The following SLC25A26 variants were observed in gnomAD, a reference collection of about 807,000 sequenced individuals.
SLC25A26 encodes the protein mitochondrial S-adenosylmethionine carrier protein.
In SLC25A26, 36 loss-of-function variants were observed where a neutral mutation model predicts 37.8. The observed-to-expected ratio is 0.95, with a 90% CI of 0.73 to 1.26. The LOEUF is 1.26. SLC25A26 is among the 50% of genes most tolerant of loss of function. SLC25A26 has a pLI of 0.00. For missense variants in SLC25A26, 390 were observed against 331.1 expected (o/e 1.18, Z -1.38); for synonymous variants, 129 against 122.5 (o/e 1.05, Z -0.35).
At chr3:66,223,881 A>C (rs556767730) in intron 1 of SLC25A26, among the ~76,000 whole-genome samples, 1 of 152,210 alleles carries the variant, frequency 6.6e-6, no homozygotes, top group Non-Finnish European at 1.5e-5. Flanking sequence ...TAGGAAAGCA[A>C]CTGGAACTAT....
intron 5 of SLC25A26, among the ~76,000 whole-genome samples, chr3:66,275,417 A>T (rs917666205): frequency 6.6e-6 from 1 of 151,826 alleles, no homozygotes; most frequent in Non-Finnish European, 1.5e-5. Flanking sequence ...AAAAAAAAAA[A>T]TTAATTACTG....
chr3:66,215,093 C>A (rs899618208), intron 1 of SLC25A26, among the ~76,000 whole-genome samples: 1 of 152,136 alleles, frequency 6.6e-6, no homozygotes, highest in African/African-American at 2.4e-5. Flanking sequence ...CCACTACATT[C>A]CCGCCTGGGT....
At chr3:66,231,516 A>G (rs1200298912) in intron 1 of SLC25A26, among the ~76,000 whole-genome samples, 1 of 152,146 alleles carries the variant, frequency 6.6e-6, no homozygotes, top group African/African-American at 2.4e-5. Flanking sequence ...AAATTATTTA[A>G]AAATTAATTG....
chr3:66,270,350 T>G (rs1161621441), intron 5 of SLC25A26, among the ~76,000 whole-genome samples: 4 of 152,202 alleles, frequency 2.6e-5, no homozygotes, highest in African/African-American at 7.2e-5. Context: ...TGAAATTGTT[T>G]TTCAGTTAAA....
rs2071256377 is a variant in SLC25A26 at position 66,209,898 on chromosome 3, T to TATATATTTATACATA, written c.-353-10844_-353-10843insATATATTTATACATA. ...TATACTCCTCTCTCTCTCTCTCTATTTATATATATATATATATATATATAT... is the reference window on the plus strand; with the variant it reads ...TATACTCCTCTCTCTCTCTCTCTATTATATATTTATACATATATATATATATATATATATATATAT... On this transcript the variant is annotated intron_variant, in intron 1 of 10. Coordinates refer to the SLC25A26 transcript ENST00000676754. 9.3e-4 allele frequency among the ~76,000 whole-genome samples: 36 copies of TATATATTTATACATA among 38,616 alleles called. 2 individuals carry two copies. The highest frequency in any genetic ancestry group is 3.2e-3 in the African/African-American group (36 of 11,376). 25.3% of individuals were successfully genotyped at this position (38,616 alleles called of 152,430 possible).
At chr3:66,324,459 C>T (rs2075783402) in intron 5 of SLC25A26, among the ~76,000 whole-genome samples, 1 of 152,016 alleles carries the variant, frequency 6.6e-6, no homozygotes, top group Non-Finnish European at 1.5e-5. Context: ...TAATGTTATC[C>T]ATGGGAGCAA....
At chr3:66,323,160 G>A (rs2075742076) in intron 5 of SLC25A26, among the ~76,000 whole-genome samples, 1 of 152,146 alleles carries the variant, frequency 6.6e-6, no homozygotes, top group South Asian at 2.1e-4. Flanking sequence ...GTGTGTAAAT[G>A]CGGTCTTTCC....
chr3:66,229,230 C>T (rs2071895677), intron 1 of SLC25A26, among the ~76,000 whole-genome samples: 1 of 152,106 alleles, frequency 6.6e-6, no homozygotes, highest in African/African-American at 2.4e-5. Flanking sequence ...GTTTAGTTCT[C>T]ATTTATTTTA....
At chr3:66,321,691 T>A (rs1218855461) in intron 5 of SLC25A26, among the ~76,000 whole-genome samples, 3 of 151,978 alleles carry the variant, frequency 2.0e-5, no homozygotes, top group African/African-American at 7.3e-5. Context: ...GAGTTAACAT[T>A]TTTCAAAAGT....
chr3:66,239,290 A>G (rs1321099439), intron 2 of SLC25A26, among the ~76,000 whole-genome samples: 1 of 150,488 alleles, frequency 6.6e-6, no homozygotes, highest in Non-Finnish European at 1.5e-5. Flanking sequence ...CACATCCACA[A>G]TCTCTTTTAT....
At chr3:66,286,987 A>T (rs1576798145) in intron 5 of SLC25A26, among the ~76,000 whole-genome samples, 1 of 151,532 alleles carries the variant, frequency 6.6e-6, no homozygotes, top group Admixed American at 6.6e-5. Flanking sequence ...AATTGATATG[A>T]TGGCTATCTT....
intron 5 of SLC25A26, among the ~76,000 whole-genome samples, chr3:66,343,276 A>G (rs1319353782): frequency 6.6e-6 from 1 of 152,250 alleles, no homozygotes. Flanking sequence ...GTAAATGACA[A>G]CATGTGTGTG....
intron 1 of SLC25A26, among the ~76,000 whole-genome samples, chr3:66,223,045 A>G (rs782079346): frequency 6.6e-6 from 1 of 152,218 alleles, no homozygotes; most frequent in Non-Finnish European, 1.5e-5. Flanking sequence ...CCCACTGGGT[A>G]TTGTGGTAGG....
intron 5 of SLC25A26, among the ~76,000 whole-genome samples, chr3:66,279,554 A>G (rs1009877373): frequency 6.6e-6 from 1 of 152,124 alleles, no homozygotes; most frequent in African/African-American, 2.4e-5. Flanking sequence ...ATCTTTCTCT[A>G]GTGCCTATTA....
intron 1 of SLC25A26, among the ~76,000 whole-genome samples, chr3:66,168,794 T>C (rs1490082845): frequency 1.3e-5 from 2 of 152,192 alleles, no homozygotes; most frequent in African/African-American, 4.8e-5. Context: ...AATTGATCGA[T>C]AGCCATGCAG....
chr3:66,299,475 C>T (rs1433124818), intron 5 of SLC25A26, among the ~76,000 whole-genome samples: 3 of 152,118 alleles, frequency 2.0e-5, no homozygotes. Context: ...TAAGTGTGAG[C>T]CGATGTGCTT....
intron 1 of SLC25A26, among the ~76,000 whole-genome samples, chr3:66,209,391 A>G (rs1234674235): frequency 3.6e-5 from 5 of 139,828 alleles, no homozygotes; most frequent in Admixed American, 2.3e-4. Flanking sequence ...ACATGTATCT[A>G]TATGTATGTA....
At chr3:66,263,288 T>C in intron 4 of SLC25A26, 44 bp from the exon 5 acceptor site, 1 of 1,481,186 alleles carries the variant, frequency 6.8e-7, no homozygotes, top group East Asian at 2.3e-5. Context: ...CCTTCAGAAA[T>C]CTCTGCCATT....
At chr3:66,206,705 C>CTTT (rs1315135962) in intron 1 of SLC25A26, among the ~76,000 whole-genome samples, 1 of 132,888 alleles carries the variant, frequency 7.5e-6, no homozygotes, top group African/African-American at 2.8e-5. Flanking sequence ...CTTACAGGTT[C>CTTT]TTTTTTTTTT....
Sources: allele counts gnomAD v4.1 joint callset (sites outside exome capture counted in the v4.1 genomes callset), GRCh38; gene constraint gnomAD v4.1.1; transcripts MANE v1.5; gene names NCBI Gene and HGNC (gene_info 2026-07-23, HGNC 2026-07-21).